The following ADAM12 variants were observed in gnomAD, a reference collection of about 807,000 sequenced individuals.
ADAM12 encodes ADAM metallopeptidase domain 12.
In ADAM12, 70 loss-of-function variants were observed where a neutral mutation model predicts 106.4. The ratio of observed to expected loss-of-function variants is 0.66; its 90% CI spans 0.54 to 0.80. The LOEUF (loss-of-function observed/expected upper bound fraction) is 0.80. Among genes scored for constraint, ADAM12 ranks in the 30% least tolerant of loss-of-function variants. The pLI is 0.00. For synonymous variants in ADAM12, 420 were observed against 433.5 expected, an observed-to-expected ratio of 0.97 and a Z score of 0.39; for missense variants, 1,010 against 1,171.9, an observed-to-expected ratio of 0.86 and a Z score of 2.02.
intron 1 of ADAM12, among the ~76,000 whole-genome samples, chr10:126,363,951 C>T (rs1294276739): frequency 6.6e-6 from 1 of 152,056 alleles, no homozygotes; most frequent in African/African-American, 2.4e-5. Flanking sequence ...AAATATGATA[C>T]ACCTTGACAG....
chr10:126,259,859 C>T (rs1483787860), intron 3 of ADAM12, among the ~76,000 whole-genome samples: 1 of 152,164 alleles, frequency 6.6e-6, no homozygotes, highest in Non-Finnish European at 1.5e-5. Flanking sequence ...TGAGGGAAAT[C>T]GAGTCAGCTC....
rs548182456 is a variant in ADAM12 at position 126,066,755 on chromosome 10, C to T, written c.1375G>A (p.Ala459Thr). The change falls in exon 13 of 23, where the codon GCT becomes ACT. Residue 459 changes from alanine (A) to threonine (T), a missense_variant. Ala to Thr is a moderately conservative substitution (Grantham distance 58). Coordinates refer to ENST00000448723, the MANE Select transcript of ADAM12 (RefSeq NM_001288973.2). The surrounding 1 kb of genome is among the most constrained non-coding windows in gnomAD (Gnocchi z 5.1). ...CAGCACAGCCCATGTGCGCACACAG[C>T]GTCCGGCTTCAGGGTACAGGTGGTG... Reference protein sequence around the residue: ...NATTCTLKPDAVCAHGLCCED... With the variant: ...NATTCTLKPDTVCAHGLCCED... 1.2e-5 allele frequency: 20 copies of T among 1,614,178 alleles called. No individual in the cohort carries two copies. The highest frequency in any genetic ancestry group is 4.0e-5 in the African/African-American group (3 of 75,040).
At chr10:126,325,332 G>C (rs1015762299) in intron 2 of ADAM12, among the ~76,000 whole-genome samples, 1 of 152,226 alleles carries the variant, frequency 6.6e-6, no homozygotes, top group African/African-American at 2.4e-5. Flanking sequence ...TGCTACCAAG[G>C]GTTGGGAGGG....
chr10:126,142,755 T>G (rs575103659), intron 4 of ADAM12, among the ~76,000 whole-genome samples: 3 of 152,314 alleles, frequency 2.0e-5, no homozygotes, highest in East Asian at 3.9e-4. Context: ...CATGGCATCA[T>G]AAGAAGGTGA....
At chr10:126,121,581 A>G (rs914295728) in intron 5 of ADAM12, among the ~76,000 whole-genome samples, 2 of 148,340 alleles carry the variant, frequency 1.3e-5, no homozygotes, top group African/African-American at 4.9e-5. Context: ...TATAATTTAT[A>G]TTGCAGCAAC....
At chr10:126,128,588 G>A (rs1956244790) in intron 5 of ADAM12, among the ~76,000 whole-genome samples, 1 of 151,976 alleles carries the variant, frequency 6.6e-6, no homozygotes, top group Non-Finnish European at 1.5e-5. Flanking sequence ...TCAGTGTGTG[G>A]TGCGCGTGTG....
At chr10:126,375,746 T>A (rs920736691) in intron 1 of ADAM12, among the ~76,000 whole-genome samples, 2 of 151,468 alleles carry the variant, frequency 1.3e-5, no homozygotes, top group African/African-American at 4.8e-5. Context: ...CTTCTTCTTT[T>A]TTTTTTTTCT....
chr10:126,098,465 G>A lies in ADAM12; in HGVS notation c.947C>T (p.Ala316Val). The A allele has an allele frequency of 6.2e-7, 1 of 1,614,100 alleles. No homozygotes were observed. Among genetic ancestry groups the A allele is most frequent in the Non-Finnish European group, 8.5e-7 (1 of 1,179,990 alleles). ...VYFQGTTIGM[A>V]PIMSMCTADQ... ...TGCCGTGCACATGCTCATGATTGGG[G>A]CCATGCCGATGGTGGTCCCTTGGAA... Residue 316 changes from alanine to valine, a missense_variant, in exon 10 of 23, where the codon GCC becomes GTC. Ala to Val is a moderately conservative substitution (Grantham distance 64). Around this residue, in one of 3 missense-constraint regions of ADAM12, gnomAD observed 391 missense variants for 442.9 expected, o/e 0.88. Transcript: ENST00000448723.
chr10:126,146,064 T>C (rs949920080), intron 4 of ADAM12, among the ~76,000 whole-genome samples: 2 of 152,212 alleles, frequency 1.3e-5, no homozygotes, highest in Non-Finnish European at 2.9e-5. Flanking sequence ...AGCTAGGTTA[T>C]ACTGGTAGTT....
chr10:126,172,562 T>C (rs1404841537), intron 3 of ADAM12, among the ~76,000 whole-genome samples: 1 of 152,160 alleles, frequency 6.6e-6, no homozygotes, highest in Non-Finnish European at 1.5e-5. Context: ...TGAGATACCA[T>C]CTCATGCCAG....
chr10:126,189,340 C>T (rs1590589768), intron 3 of ADAM12, among the ~76,000 whole-genome samples: 1 of 152,094 alleles, frequency 6.6e-6, no homozygotes, highest in East Asian at 1.9e-4. Flanking sequence ...ATGGGGTATA[C>T]GGTGGGGAGT....
chr10:126,191,870 G>C (rs1288817253), intron 3 of ADAM12, among the ~76,000 whole-genome samples: 1 of 152,188 alleles, frequency 6.6e-6, no homozygotes, highest in African/African-American at 2.4e-5. Context: ...TGGTTCTACA[G>C]GCTGTACAGG....
chr10:126,128,261 A>G (rs1956238646), intron 5 of ADAM12, among the ~76,000 whole-genome samples: 2 of 152,064 alleles, frequency 1.3e-5, no homozygotes, highest in Admixed American at 1.3e-4. Context: ...TGAGGAAGGG[A>G]AGTGAGCTGG....
intron 1 of ADAM12, among the ~76,000 whole-genome samples, chr10:126,360,468 C>T (rs990262750): frequency 6.6e-6 from 1 of 152,152 alleles, no homozygotes; most frequent in African/African-American, 2.4e-5. Context: ...TCCAGATACC[C>T]TAAATCATCT....
chr10:126,383,921 C>CA (rs1303487014), intron 1 of ADAM12, among the ~76,000 whole-genome samples: 2 of 152,168 alleles, frequency 1.3e-5, no homozygotes, highest in African/African-American at 4.8e-5. Flanking sequence ...TACAAGCTAG[C>CA]AGGGGCCCTG....
At chr10:126,286,747 G>A (rs1467592946) in intron 2 of ADAM12, among the ~76,000 whole-genome samples, 1 of 152,176 alleles carries the variant, frequency 6.6e-6, no homozygotes, top group East Asian at 1.9e-4. Context: ...GGTGTCCCTG[G>A]ATTGGGGCCT....
At chr10:126,075,640 T>C (rs1050089992) in intron 11 of ADAM12, among the ~76,000 whole-genome samples, 12 of 152,128 alleles carry the variant, frequency 7.9e-5, no homozygotes, top group African/African-American at 2.9e-4. Context: ...AGAGGGTCAT[T>C]TGAGCCCCTC....
chr10:126,368,958 C>G (rs182397427), intron 1 of ADAM12, among the ~76,000 whole-genome samples: 3 of 152,050 alleles, frequency 2.0e-5, no homozygotes, highest in Non-Finnish European at 4.4e-5. Context: ...AGACCTCTTG[C>G]GATTTTTATT....
chr10:126,058,281 G>C (rs1168800031), intron 14 of ADAM12, among the ~76,000 whole-genome samples: 1 of 152,260 alleles, frequency 6.6e-6, no homozygotes, highest in Admixed American at 6.5e-5. Context: ...TTCCAAGAAC[G>C]AATGAGTGAA....
Sources: gnomAD v4.1 joint callset for allele counts (sites outside exome capture counted in the v4.1 genomes callset) on GRCh38, gnomAD v4.1.1 for gene constraint, gnomAD v4.1.1 regional missense constraint, Gnocchi (gnomAD v3.1) non-coding constraint, MANE v1.5 for transcripts, NCBI Gene and HGNC (gene_info 2026-07-23, HGNC 2026-07-21) for gene names.